The following NSD2 variants were observed in gnomAD, a reference collection of about 807,000 sequenced individuals.
The protein encoded by NSD2 is nuclear receptor binding SET domain protein 2.
A neutral mutation model predicts 139.0 loss-of-function variants in NSD2; 12 were observed. The observed-to-expected ratio is 0.09, with a 90% CI of 0.06 to 0.14. The LOEUF (loss-of-function observed/expected upper bound fraction) is 0.14, where lower values mean the gene tolerates loss of function less well. Ranked by LOEUF, NSD2 falls within the 10% of genes least tolerant of loss-of-function variation. The pLI, the probability that NSD2 is intolerant of heterozygous loss-of-function variation, is 1.00. For missense variants in NSD2, 1,155 were observed against 1,745.0 expected (o/e 0.66, Z 6.02); for synonymous variants, 669 against 648.7 (o/e 1.03, Z -0.48).
chr4:1,895,944 C>T (rs1358205677), intron 1 of NSD2, among the ~76,000 whole-genome samples: 1 of 152,216 alleles, frequency 6.6e-6, no homozygotes, highest in African/African-American at 2.4e-5. Flanking sequence ...AGCACTGTGA[C>T]CACAGACACT....
chr4:1,967,529 G>T (rs963699707), intron 18 of NSD2, among the ~76,000 whole-genome samples: 1 of 151,366 alleles, frequency 6.6e-6, no homozygotes, highest in African/African-American at 2.4e-5. Context: ...AGTGAGCCGA[G>T]ATCATGCTGT....
intron 9 of NSD2, chr4:1,947,162 C>T (rs954502741): frequency 2.8e-6 from 3 of 1,064,626 alleles, no homozygotes; most frequent in Admixed American, 5.3e-5. Context: ...CCAGACCAGG[C>T]TCCTCCCCAG....
At chr4:1,978,190 A>G (rs1727314416) in intron 21 of NSD2, among the ~76,000 whole-genome samples, 1 of 152,250 alleles carries the variant, frequency 6.6e-6, no homozygotes, top group Non-Finnish European at 1.5e-5. Context: ...GACACACGAT[A>G]GAGAAAAGTG....
chr4:1,884,793 A>C (rs1714956927), intron 1 of NSD2, among the ~76,000 whole-genome samples: 1 of 152,126 alleles, frequency 6.6e-6, no homozygotes, highest in Non-Finnish European at 1.5e-5. Context: ...GAGTTCTGAA[A>C]TCTGCAAGTG....
At chr4:1,888,429 A>C (rs1715281872) in intron 1 of NSD2, among the ~76,000 whole-genome samples, 1 of 151,428 alleles carries the variant, frequency 6.6e-6, no homozygotes, top group African/African-American at 2.4e-5. Context: ...AAAAAAAAAA[A>C]AAAAAAAAGA....
chr4:1,961,082 G>A lies in NSD2; in HGVS notation c.3303G>A (p.Glu1101=), dbSNP rs775860726. ...TTGGGGAGCTGATCGACGAGGAGGA[G>A]TGCATGGCGAGAATCAAGCACGCAC... ...EYVGELIDEE[E]CMARIKHAHE... is the part of the protein sequence containing the mutation. Residue 1101 remains glutamate (E), a synonymous_variant, in exon 18 of 22, where the codon GAG becomes GAA. Coordinates refer to ENST00000508803, the MANE Select transcript of NSD2 (RefSeq NM_001042424.3). 15 of 1,613,650 alleles carry A rather than the reference G, an allele frequency of 9.3e-6. No individual in the cohort carries two copies. Among genetic ancestry groups the A allele is most frequent in the Non-Finnish European group, 1.2e-5 (14 of 1,179,694 alleles).
chr4:1,946,167 G>A, intron 9 of NSD2: 6 of 1,023,636 alleles, frequency 5.9e-6, no homozygotes, highest in Non-Finnish European at 7.0e-6. Flanking sequence ...AGAAACTGAG[G>A]TAACTGTCAT....
At chr4:1,887,369 CT>C (rs1439712036) in intron 1 of NSD2, 1 of 152,152 alleles carries the variant, frequency 6.6e-6, no homozygotes, top group African/African-American at 2.4e-5. Flanking sequence ...CAAGTCCCCA[CT>C]TTTGCCATGT....
intron 1 of NSD2, among the ~76,000 whole-genome samples, chr4:1,884,417 G>A (rs1289890436): frequency 2.6e-5 from 4 of 151,302 alleles, no homozygotes; most frequent in African/African-American, 7.3e-5. Flanking sequence ...TTTTTGAGAC[G>A]GAGTTGTGCC....
intron 3 of NSD2, among the ~76,000 whole-genome samples, chr4:1,914,296 T>G (rs891627757): frequency 6.6e-6 from 1 of 152,100 alleles, no homozygotes; most frequent in African/African-American, 2.4e-5. Context: ...GTGCTGAGAT[T>G]ACATGTGTGA....
Position 1,981,887 on chromosome 4 carries a change from T to C in NSD2, c.*2978T>C. The stretch of plus-strand genomic sequence containing the variant: ...AGAGTAAAATGCTGTGTCCACGGGG[T>C]GTCACAGCCTCACCATACCCTGTTG... On this transcript the variant is annotated 3_prime_UTR_variant, in exon 22 of 22. Transcript: ENST00000508803. The C allele has an allele frequency of 2.5e-6, 1 of 398,634 alleles. No homozygotes were observed. 24.7% of individuals were successfully genotyped at this position (398,634 alleles called of 1,614,324 possible).
Position 1,948,115 on chromosome 4 carries a change from T to C in NSD2, c.1882-2957T>C. 2.8e-6 allele frequency: 3 copies of C among 1,060,244 alleles called. No homozygotes were observed. The highest frequency in any genetic ancestry group is 3.4e-6 in the Non-Finnish European group (3 of 875,818). The allele number at this position is 1,060,244 out of a possible 1,614,324, so 65.7% of individuals were successfully genotyped here. ...AAATAGGCAACTTGGTACTATCTTA[T>C]TCTGAGTAGAGAGTGGAGAAAGTAT... On this transcript the variant is annotated intron_variant, in intron 9 of 21. Coordinates refer to ENST00000508803, the MANE Select transcript of NSD2 (RefSeq NM_001042424.3). This position sits in a 1 kb window ranked among gnomAD's most constrained non-coding sequence, Gnocchi z 4.5.
intron 21 of NSD2, among the ~76,000 whole-genome samples, chr4:1,977,211 CTGTT>C (rs1008038227): frequency 4.6e-5 from 7 of 152,368 alleles, no homozygotes; most frequent in East Asian, 1.9e-4. Flanking sequence ...AGCTCTGGCT[CTGTT>C]TGAGGGAAAG....
chr4:1,881,510 GC>G (rs1291255728), intron 1 of NSD2, among the ~76,000 whole-genome samples: 1 of 152,062 alleles, frequency 6.6e-6, no homozygotes, highest in Non-Finnish European at 1.5e-5. Flanking sequence ...TGATCCACCC[GC>G]CTCGGCCTCC....
Position 1,953,202 on chromosome 4 carries a change from C to G in NSD2, c.2138-122C>G, listed in dbSNP as rs746205513. 12 of 1,574,088 alleles carry G rather than the reference C, an allele frequency of 7.6e-6. No homozygotes were observed. In the South Asian group the frequency reaches 1.4e-4, roughly 18 times the overall value. ...TAGTGAGCAAGGTTGGAAACAGGGCCAGGTGCTTTAGCAGCATGGCTGCCT... is the reference window on the plus strand; with the variant it reads ...TAGTGAGCAAGGTTGGAAACAGGGCGAGGTGCTTTAGCAGCATGGCTGCCT... On this transcript the variant is annotated intron_variant, in intron 11 of 21. Coordinates refer to ENST00000508803, the MANE Select transcript of NSD2 (RefSeq NM_001042424.3).
chr4:1,960,952 G>C, intron 17 of NSD2, 83 bp from the exon 18 acceptor site: 1 of 1,056,164 alleles, frequency 9.5e-7, no homozygotes, highest in Non-Finnish European at 1.5e-6. Flanking sequence ...CGTTCTAAGT[G>C]ATCATGATGG....
rs995514672 is a variant in NSD2, at chr4:1,981,724, G to A, written c.*2815G>A. 31 of 396,384 alleles carry A rather than the reference G, an allele frequency of 7.8e-5. No individual in the cohort carries two copies. Among genetic ancestry groups the A allele is most frequent in the Non-Finnish European group, 1.1e-4 (25 of 225,180 alleles). 24.6% of individuals were successfully genotyped at this position (396,384 alleles called of 1,614,324 possible). On this transcript the variant is annotated 3_prime_UTR_variant, in exon 22 of 22. Coordinates refer to ENST00000508803, the MANE Select transcript of NSD2 (RefSeq NM_001042424.3). ...TCTGTCTTGACATCTAAACCCCGGC[G>A]TGTGCAGTGCCCATCTTCCAGGACT...
intron 8 of NSD2, among the ~76,000 whole-genome samples, chr4:1,938,936 T>C (rs1722781489): frequency 6.6e-6 from 1 of 152,252 alleles, no homozygotes; most frequent in Non-Finnish European, 1.5e-5. Flanking sequence ...GGGCTCGTTA[T>C]TTATATTTCA....
intron 20 of NSD2, among the ~76,000 whole-genome samples, chr4:1,975,887 A>C (rs562121226): frequency 1.3e-5 from 2 of 152,282 alleles, no homozygotes; most frequent in South Asian, 4.1e-4. Context: ...CTCATTGACA[A>C]TGACCCTATT....
Sources: gnomAD v4.1 joint callset for allele counts (sites outside exome capture counted in the v4.1 genomes callset) on GRCh38, gnomAD v4.1.1 for gene constraint, Gnocchi (gnomAD v3.1) non-coding constraint, MANE v1.5 for transcripts, NCBI Gene and HGNC (gene_info 2026-07-23, HGNC 2026-07-21) for gene names.